The following SKA2 variants were observed in gnomAD, a reference collection of about 807,000 sequenced individuals.
SKA2 encodes spindle and kinetochore associated complex subunit 2.
A neutral mutation model predicts 16.9 loss-of-function variants in SKA2; 13 were observed. The observed-to-expected ratio is 0.77, with a 90% CI of 0.50 to 1.22. The LOEUF (loss-of-function observed/expected upper bound fraction) is 1.22. SKA2 is among the 50% of genes most tolerant of loss of function. The pLI is 0.00. For missense variants in SKA2, 107 were observed against 139.7 expected (o/e 0.77, Z 1.18); for synonymous variants, 47 against 48.5 (o/e 0.97, Z 0.13).
intron 2 of SKA2, 126 bp from the exon 3 acceptor site, chr17:59,119,621 A>T: frequency 1.2e-6 from 1 of 813,258 alleles, no homozygotes; most frequent in East Asian, 2.6e-5. Flanking sequence ...GTATTTAATT[A>T]TGCAGCCACA....
At chr17:59,151,068 G>C in intron 1 of SKA2, 1 of 465,774 alleles carries the variant, frequency 2.1e-6, no homozygotes. Flanking sequence ...CAGCAACAAA[G>C]GTTGTGGTAA....
chr17:59,140,961 CT>C (rs139300856), intron 1 of SKA2, among the ~76,000 whole-genome samples: 2,470 of 145,836 alleles, frequency 0.017, 34 homozygotes, highest in South Asian at 0.042. Flanking sequence ...GACTACTTAA[CT>C]TTTTTTTTTT....
intron 2 of SKA2, among the ~76,000 whole-genome samples, chr17:59,123,933 G>C (rs1304385080): frequency 6.6e-6 from 1 of 152,116 alleles, no homozygotes; most frequent in Non-Finnish European, 1.5e-5. Context: ...AAGTATAACA[G>C]TTCGTATCCA....
At chr17:59,154,192 A>C (rs987372419) in intron 1 of SKA2, among the ~76,000 whole-genome samples, 7 of 151,892 alleles carry the variant, frequency 4.6e-5, no homozygotes, top group African/African-American at 1.7e-4. Flanking sequence ...AAAAAAGAAA[A>C]GAAAAGAAAA....
chr17:59,114,904 C>G (rs2046286292), intron 3 of SKA2, among the ~76,000 whole-genome samples: 1 of 152,182 alleles, frequency 6.6e-6, no homozygotes, highest in South Asian at 2.1e-4. Context: ...ATCAGAATCT[C>G]TAGGGCAGCA....
rs1226921798 is a variant in SKA2, at chr17:59,110,314, A to G, written c.*1963T>C. ...AATCTAATTTTTCTCCCTAACTGAA[A>G]GCAAAACCACTTTTAATACTAAGAA... On this transcript the variant is annotated 3_prime_UTR_variant, in exon 4 of 4. Coordinates refer to ENST00000330137, the MANE Select transcript of SKA2 (RefSeq NM_182620.4). 2 of 152,208 alleles carry G rather than the reference A, an allele frequency of 1.3e-5. No individual in the cohort carries two copies. Among genetic ancestry groups the G allele is most frequent in the Non-Finnish European group, 2.9e-5 (2 of 68,036 alleles). The allele number at this position is 152,208 out of a possible 1,614,324, so 9.4% of individuals were successfully genotyped here. A position where few individuals can be genotyped will look rare whatever the true frequency, so the allele number is the denominator to read the frequency against.
At chr17:59,141,215 G>T (rs1176475684) in intron 1 of SKA2, among the ~76,000 whole-genome samples, 1 of 151,846 alleles carries the variant, frequency 6.6e-6, no homozygotes, top group Non-Finnish European at 1.5e-5. Context: ...TGGCCAACAT[G>T]GTGAAACCTT....
chr17:59,150,323 C>A (rs1374085689), intron 1 of SKA2, among the ~76,000 whole-genome samples: 1 of 152,148 alleles, frequency 6.6e-6, no homozygotes, highest in Non-Finnish European at 1.5e-5. Flanking sequence ...CAATAAAATT[C>A]ATATTTTTTA....
chr17:59,149,794 T>C, intron 1 of SKA2, among the ~76,000 whole-genome samples: 1 of 152,172 alleles, frequency 6.6e-6, no homozygotes, highest in Non-Finnish European at 1.5e-5. Flanking sequence ...CACAAAAGAC[T>C]GTATAATGTA....
chr17:59,131,507 A>G (rs1179576981), intron 1 of SKA2, 140 bp from the exon 2 acceptor site: 1 of 510,628 alleles, frequency 2.0e-6, no homozygotes, highest in Non-Finnish European at 3.3e-6. Flanking sequence ...AATAAAAAGT[A>G]TATAAAATAT....
intron 1 of SKA2, chr17:59,151,782 T>G (rs1478007235): frequency 6.5e-6 from 1 of 153,658 alleles, no homozygotes; most frequent in Non-Finnish European, 1.4e-5. Context: ...CTTACAGCTT[T>G]TTATCTTGAG....
chr17:59,134,843 TA>T (rs954051917), intron 1 of SKA2, among the ~76,000 whole-genome samples: 13 of 152,146 alleles, frequency 8.5e-5, no homozygotes, highest in East Asian at 1.9e-4. Context: ...TTTTGTCATT[TA>T]TTTTTTTTGA....
chr17:59,119,548 TAAGAATTAA>T, intron 2 of SKA2, 53 bp from the exon 3 acceptor site: 1 of 1,527,556 alleles, frequency 6.5e-7, no homozygotes, highest in Non-Finnish European at 9.0e-7. Context: ...TTAAACTTTT[TAAGAATTAA>T]AATACTGTAT....
At chr17:59,152,924 T>C (rs1438690775) in intron 1 of SKA2, among the ~76,000 whole-genome samples, 3 of 152,100 alleles carry the variant, frequency 2.0e-5, no homozygotes, top group Non-Finnish European at 4.4e-5. Flanking sequence ...ACCTCATTTC[T>C]TTTTTTCCTG....
chr17:59,150,227 C>T (rs757842685), intron 1 of SKA2, among the ~76,000 whole-genome samples: 2 of 152,154 alleles, frequency 1.3e-5, no homozygotes, highest in Non-Finnish European at 2.9e-5. Context: ...TGTGAATAGT[C>T]GCTGCCCTCC....
At chr17:59,121,963 T>C (rs1263711754) in intron 2 of SKA2, among the ~76,000 whole-genome samples, 1 of 147,470 alleles carries the variant, frequency 6.8e-6, no homozygotes, top group Non-Finnish European at 1.5e-5. Context: ...AGAGTGCGAC[T>C]CCATCTGAAA....
intron 3 of SKA2, among the ~76,000 whole-genome samples, chr17:59,116,090 T>C (rs149750136): frequency 1.3e-5 from 2 of 152,202 alleles, no homozygotes; most frequent in Non-Finnish European, 2.9e-5. Context: ...AGTTTAAATA[T>C]GAGGGCACGG....
intron 1 of SKA2, 43 bp downstream of exon 1, chr17:59,155,088 G>T (rs199620882): frequency 2.5e-6 from 4 of 1,613,962 alleles, no homozygotes; most frequent in Non-Finnish European, 3.4e-6. Context: ...GGCCATGGGG[G>T]AAAAATAAAC....
chr17:59,150,934 A>C (rs1007392127), intron 1 of SKA2, among the ~76,000 whole-genome samples: 1 of 152,206 alleles, frequency 6.6e-6, no homozygotes, highest in Non-Finnish European at 1.5e-5. Context: ...CTTAGATATA[A>C]AAAATATTCT....
Sources: allele counts gnomAD v4.1 joint callset (sites outside exome capture counted in the v4.1 genomes callset), GRCh38; gene constraint gnomAD v4.1.1; transcripts MANE v1.5; gene names NCBI Gene and HGNC (gene_info 2026-07-23, HGNC 2026-07-21).